IL1RAPL2: variants seen among roughly 807,000 people sequenced by gnomAD.
IL1RAPL2 encodes interleukin 1 receptor accessory protein like 2, also known as X-linked interleukin-1 receptor accessory protein-like 2.
In IL1RAPL2, 3 loss-of-function variants were observed where a neutral mutation model predicts 44.1. The ratio of observed to expected loss-of-function variants is 0.07; its 90% confidence interval spans 0.03 to 0.18. The LOEUF (loss-of-function observed/expected upper bound fraction) is 0.18. Ranked by LOEUF, IL1RAPL2 falls within the 10% of genes least tolerant of loss-of-function variation. The pLI, the probability that IL1RAPL2 is intolerant of heterozygous loss-of-function variation, is 1.00. For missense variants in IL1RAPL2, 391 were observed against 496.4 expected (o/e 0.79, Z 2.02); for synonymous variants, 181 against 178.8 (o/e 1.01, Z -0.10).
At chrX:105,396,225 G>A (rs1297974893) in intron 5 of IL1RAPL2, among the ~76,000 whole-genome samples, 2 of 109,824 alleles carry the variant, frequency 1.8e-5, no homozygotes, top group Non-Finnish European at 3.8e-5. Context: ...CGGATGCACA[G>A]GGTAAAGAAG....
intron 2 of IL1RAPL2, among the ~76,000 whole-genome samples, chrX:104,908,282 T>G (rs1456584419): frequency 8.9e-6 from 1 of 112,006 alleles, no homozygotes. Flanking sequence ...GTCTTTTAAT[T>G]GGAGCATTTA....
In IL1RAPL2 at chrX:104,911,561, A is replaced by C. The variant is rs1159220726; in HGVS notation, c.82+252566A>C. On this transcript the variant is annotated intron_variant, in intron 2 of 10. Transcript: ENST00000372582. Reference sequence around the variant, plus strand: ...TCTTCACTACCACCATAGGCAAGTGAACAAATATCTCTTCCTGCAGTGGTC... The same window carrying C: ...TCTTCACTACCACCATAGGCAAGTGCACAAATATCTCTTCCTGCAGTGGTC... Among the ~76,000 whole-genome samples the C allele has an allele frequency of 9.8e-5, 11 of 111,830 alleles. No individual in the cohort carries two copies. In the East Asian group the frequency reaches 3.1e-3, roughly 31 times the overall value.
chrX:104,640,955 T>G (rs1929922675), intron 1 of IL1RAPL2, among the ~76,000 whole-genome samples: 1 of 112,384 alleles, frequency 8.9e-6, no homozygotes, highest in South Asian at 3.7e-4. Context: ...TGACAATTTC[T>G]GGCAGGTCAG....
chrX:104,634,780 G>A (rs1187760134), intron 1 of IL1RAPL2, among the ~76,000 whole-genome samples: 1 of 111,177 alleles, frequency 9.0e-6, no homozygotes, highest in African/African-American at 3.3e-5. Context: ...CCCACTGATG[G>A]GTCTTGACTC....
chrX:105,538,483 T>G (rs2036696072), intron 6 of IL1RAPL2, among the ~76,000 whole-genome samples: 1 of 111,614 alleles, frequency 9.0e-6, no homozygotes, highest in Admixed American at 9.5e-5. Flanking sequence ...TACAACCACA[T>G]CTACTGCAAT....
chrX:105,315,685 G>A (rs1203324158), intron 5 of IL1RAPL2, among the ~76,000 whole-genome samples: 1 of 96,420 alleles, frequency 1.0e-5, no homozygotes, highest in Non-Finnish European at 2.1e-5. Context: ...GAGCCAGCCC[G>A]AGTCTCAAAA....
At chrX:105,510,293 G>T (rs1206747049) in intron 6 of IL1RAPL2, among the ~76,000 whole-genome samples, 1 of 111,793 alleles carries the variant, frequency 8.9e-6, no homozygotes, top group Non-Finnish European at 1.9e-5. Flanking sequence ...ACATGGTAAT[G>T]TGTATGTGTG....
intron 5 of IL1RAPL2, among the ~76,000 whole-genome samples, chrX:105,293,004 C>T (rs1246998784): frequency 3.8e-5 from 4 of 106,286 alleles, no homozygotes; most frequent in African/African-American, 1.0e-4. Flanking sequence ...CCCAGCTACT[C>T]GGGAGACTGA....
chrX:104,998,860 G>A (rs779766661), intron 2 of IL1RAPL2, among the ~76,000 whole-genome samples: 1 of 111,482 alleles, frequency 9.0e-6, no homozygotes, highest in Admixed American at 9.5e-5. Context: ...GGAGTGCAGT[G>A]GTGCAATCAT....
chrX:105,518,837 T>C (rs1051395586), intron 6 of IL1RAPL2, among the ~76,000 whole-genome samples: 3 of 111,760 alleles, frequency 2.7e-5, no homozygotes, highest in Non-Finnish European at 5.6e-5. Context: ...CACTGGCTTA[T>C]ATTTTTATCT....
chrX:104,586,677 A>G (rs1182596027), intron 1 of IL1RAPL2, among the ~76,000 whole-genome samples: 4 of 112,032 alleles, frequency 3.6e-5, no homozygotes, highest in Non-Finnish European at 7.5e-5. Flanking sequence ...TGTAAAGTCA[A>G]GCATCTTAGT....
At chrX:105,248,370 A>G (rs1200364651) in intron 4 of IL1RAPL2, among the ~76,000 whole-genome samples, 1 of 111,845 alleles carries the variant, frequency 8.9e-6, no homozygotes, top group Admixed American at 9.5e-5. Context: ...CTACGACAAC[A>G]ACAAAAAATA....
intron 1 of IL1RAPL2, among the ~76,000 whole-genome samples, chrX:104,657,902 C>G (rs1569291140): frequency 8.9e-6 from 1 of 112,090 alleles, no homozygotes; most frequent in African/African-American, 3.2e-5. Flanking sequence ...AAATGCAAAT[C>G]AAAACCACAA....
chrX:104,878,477 C>T (rs752800280), intron 2 of IL1RAPL2, among the ~76,000 whole-genome samples: 5 of 112,060 alleles, frequency 4.5e-5, no homozygotes, highest in Non-Finnish European at 9.4e-5. Flanking sequence ...AAATAGATTG[C>T]TCAACCTCAC....
intron 2 of IL1RAPL2, among the ~76,000 whole-genome samples, chrX:104,915,344 T>G (rs1236262617): frequency 3.6e-5 from 4 of 110,996 alleles, no homozygotes; most frequent in South Asian, 3.8e-4. Flanking sequence ...TCATGTGTTT[T>G]TTGGCTGCAT....
intron 5 of IL1RAPL2, among the ~76,000 whole-genome samples, chrX:105,483,932 G>A (rs140460405): frequency 1.0e-3 from 115 of 111,405 alleles, no homozygotes; most frequent in African/African-American, 3.4e-3. Flanking sequence ...AAAAATGTCC[G>A]TTAGGGTAAT....
intron 3 of IL1RAPL2, chrX:105,219,613 T>G (rs782401314): frequency 8.3e-7 from 1 of 1,210,117 alleles, no homozygotes; most frequent in Non-Finnish European, 1.1e-6. Flanking sequence ...CTGCTCTTCT[T>G]CTGCTCCTTT....
intron 2 of IL1RAPL2, among the ~76,000 whole-genome samples, chrX:105,083,365 T>C (rs952917485): frequency 5.4e-5 from 6 of 111,759 alleles, no homozygotes; most frequent in South Asian, 3.8e-4. Flanking sequence ...TGGAACCAAG[T>C]TGGAAAACAC....
At chrX:105,137,219 T>G (rs1047390507) in intron 2 of IL1RAPL2, among the ~76,000 whole-genome samples, 1 of 112,298 alleles carries the variant, frequency 8.9e-6, no homozygotes, top group African/African-American at 3.2e-5. Flanking sequence ...AGGTGGCTAT[T>G]TAAATTTAAA....
Sources: gnomAD v4.1 joint callset for allele counts (sites outside exome capture counted in the v4.1 genomes callset) on GRCh38, gnomAD v4.1.1 for gene constraint, MANE v1.5 for transcripts, NCBI Gene and HGNC (gene_info 2026-07-23, HGNC 2026-07-21) for gene names.